The following DPH6 variants were observed in gnomAD, a reference collection of about 807,000 sequenced individuals.
DPH6 encodes the protein diphthamine biosynthesis 6.
In DPH6, 33 loss-of-function variants were observed where a neutral mutation model predicts 38.2. That is an observed-to-expected ratio of 0.86 (90% CI 0.65 to 1.15). The LOEUF (loss-of-function observed/expected upper bound fraction) is 1.15, where lower values mean the gene tolerates loss of function less well. Among genes scored for constraint, DPH6 ranks in the 50% most tolerant of loss-of-function variants. DPH6 has a pLI of 0.00. For missense variants in DPH6, 325 were observed against 320.0 expected (o/e 1.02, Z -0.12); for synonymous variants, 108 against 103.0 (o/e 1.05, Z -0.30).
chr15:35,446,369 TAC>T (rs2053853706), intron 5 of DPH6, among the ~76,000 whole-genome samples: 1 of 151,690 alleles, frequency 6.6e-6, no homozygotes, highest in African/African-American at 2.4e-5. Context: ...TAGCTGGGAT[TAC>T]AGGCACACAC....
chr15:35,532,889 A>T (rs1185054642), intron 3 of DPH6, among the ~76,000 whole-genome samples: 3 of 152,030 alleles, frequency 2.0e-5, no homozygotes, highest in Non-Finnish European at 4.4e-5. Context: ...AGATCACCTG[A>T]AGTCAGGAGT....
chr15:35,391,804 C>T (rs959719460), intron 6 of DPH6, among the ~76,000 whole-genome samples: 1 of 152,194 alleles, frequency 6.6e-6, no homozygotes, highest in African/African-American at 2.4e-5. Context: ...TGAGGTGATG[C>T]CTCGCCCTGC....
chr15:35,422,845 T>C (rs542524103), intron 5 of DPH6, among the ~76,000 whole-genome samples: 1 of 151,930 alleles, frequency 6.6e-6, no homozygotes, highest in Non-Finnish European at 1.5e-5. Context: ...TTATTTTACA[T>C]AGTATAAGGT....
intron 6 of DPH6, among the ~76,000 whole-genome samples, chr15:35,397,239 C>T (rs2053146219): frequency 6.6e-6 from 1 of 152,182 alleles, no homozygotes; most frequent in African/African-American, 2.4e-5. Flanking sequence ...TTCTGTTTAC[C>T]TTTGACTCAA....
At chr15:35,498,326 C>G (rs901681882) in intron 3 of DPH6, among the ~76,000 whole-genome samples, 2 of 152,168 alleles carry the variant, frequency 1.3e-5, no homozygotes, top group African/African-American at 4.8e-5. Flanking sequence ...TATACTGGTA[C>G]TAGTTCTTAC....
chr15:35,161,649 G>A, the DPH6 span, among the ~76,000 whole-genome samples: 1 of 151,770 alleles, frequency 6.6e-6, no homozygotes, highest in Non-Finnish European at 1.5e-5. Flanking sequence ...GATGGGATCA[G>A]TATCTTTTTA....
At chr15:35,328,876 G>A (rs937890292), downstream of DPH6, among the ~76,000 whole-genome samples, 1 of 152,188 alleles carries the variant, frequency 6.6e-6, no homozygotes, top group African/African-American at 2.4e-5. Flanking sequence ...CAATCATGGT[G>A]GAAGGCAAGG....
At chr15:35,256,143 A>G (rs1443771793) in intron 3 of DPH6, among the ~76,000 whole-genome samples, 2 of 152,266 alleles carry the variant, frequency 1.3e-5, no homozygotes, top group East Asian at 3.9e-4. Flanking sequence ...ACCATGGTAT[A>G]CTTGTCATAA....
the DPH6 span, among the ~76,000 whole-genome samples, chr15:35,206,925 T>C: frequency 2.0e-5 from 3 of 151,154 alleles, no homozygotes; most frequent in Middle Eastern, 3.4e-3. Flanking sequence ...ATGAATGAGG[T>C]ATAACAACTC....
intron 3 of DPH6, among the ~76,000 whole-genome samples, chr15:35,315,571 C>A (rs1316281954): frequency 6.6e-6 from 1 of 152,134 alleles, no homozygotes; most frequent in Non-Finnish European, 1.5e-5. Flanking sequence ...AAAAGGGGAA[C>A]CCTCATACAC....
At chr15:35,437,192 A>C (rs937437058) in intron 5 of DPH6, among the ~76,000 whole-genome samples, 16 of 152,150 alleles carry the variant, frequency 1.1e-4, no homozygotes, top group African/African-American at 3.9e-4. Context: ...CACTAGGAAG[A>C]AAATGGAACC....
chr15:35,542,236 T>C (rs1391876569), intron 2 of DPH6, among the ~76,000 whole-genome samples, 177 bp downstream of exon 2: 2 of 152,118 alleles, frequency 1.3e-5, no homozygotes, highest in African/African-American at 2.4e-5. Flanking sequence ...GTTATGAGAA[T>C]TAAAAAGTAA....
chr15:35,153,289 G>T, the DPH6 span, among the ~76,000 whole-genome samples: 1 of 152,022 alleles, frequency 6.6e-6, no homozygotes, highest in South Asian at 2.1e-4. Context: ...TGCAACAATG[G>T]ACATAAAAAC....
chr15:35,389,433 C>T (rs924035359), intron 6 of DPH6, among the ~76,000 whole-genome samples: 1 of 152,090 alleles, frequency 6.6e-6, no homozygotes, highest in African/African-American at 2.4e-5. Context: ...CTAATGTTGA[C>T]AGTGGGGTGT....
chr15:35,541,074 A>G (rs2055246358), intron 2 of DPH6, among the ~76,000 whole-genome samples: 1 of 152,012 alleles, frequency 6.6e-6, no homozygotes, highest in African/African-American at 2.4e-5. Context: ...TTAAAGTTGG[A>G]ACTCTTTCAA....
At chr15:35,265,925 G>A (rs769449247) in intron 3 of DPH6, among the ~76,000 whole-genome samples, 1 of 152,130 alleles carries the variant, frequency 6.6e-6, no homozygotes, top group Non-Finnish European at 1.5e-5. Context: ...TGATATTGAA[G>A]TTTGTAGAGG....
chr15:35,431,192 T>A (rs2053628397), intron 5 of DPH6, among the ~76,000 whole-genome samples: 1 of 152,142 alleles, frequency 6.6e-6, no homozygotes, highest in Non-Finnish European at 1.5e-5. Context: ...GCTTAACCAA[T>A]GAATTCACTT....
At chr15:35,512,658 G>A (rs74010318) in intron 3 of DPH6, among the ~76,000 whole-genome samples, 17,348 of 151,868 alleles carry the variant, frequency 0.11, 1,494 homozygotes, top group African/African-American at 0.25. Context: ...GCAGAATGCT[G>A]TTCCCACCTT....
chr15:35,301,371 T>G (rs1371230916), intron 3 of DPH6, among the ~76,000 whole-genome samples: 1 of 152,236 alleles, frequency 6.6e-6, no homozygotes, highest in African/African-American at 2.4e-5. Context: ...AGACAATATC[T>G]GGCTTTATTT....
Sources: gnomAD v4.1 joint callset for allele counts (sites outside exome capture counted in the v4.1 genomes callset) on GRCh38, gnomAD v4.1.1 for gene constraint, MANE v1.5 for transcripts, NCBI Gene and HGNC (gene_info 2026-07-23, HGNC 2026-07-21) for gene names.